The following LDLRAD3 variants were observed in gnomAD, a reference collection of about 807,000 sequenced individuals.
The protein encoded by LDLRAD3 is low-density lipoprotein receptor class A domain-containing protein 3.
Under a neutral mutation model 29.4 loss-of-function variants are expected in LDLRAD3, and 20 were observed. The ratio of observed to expected loss-of-function variants is 0.68; its 90% confidence interval spans 0.48 to 0.99. LDLRAD3 has a LOEUF of 0.99. Among genes scored for constraint, LDLRAD3 ranks in the 50% least tolerant of loss-of-function variants. LDLRAD3 has a pLI of 0.00. For synonymous variants in LDLRAD3, 157 were observed against 192.7 expected (o/e 0.81, Z 1.53); for missense variants, 420 against 454.3 (o/e 0.92, Z 0.69).
intron 1 of LDLRAD3, among the ~76,000 whole-genome samples, chr11:35,961,607 CT>C (rs1451341032): frequency 6.6e-6 from 1 of 152,186 alleles, no homozygotes; most frequent in Non-Finnish European, 1.5e-5. Flanking sequence ...TGTCATTTAT[CT>C]CAAACCCCCA....
At chr11:36,191,736 T>C (rs1341222564) in intron 4 of LDLRAD3, among the ~76,000 whole-genome samples, 1 of 151,836 alleles carries the variant, frequency 6.6e-6, no homozygotes, top group Non-Finnish European at 1.5e-5. Flanking sequence ...TTGAGAAATA[T>C]ATGGAATGCT....
chr11:36,103,980 AATC>A (rs1462445321), intron 4 of LDLRAD3, among the ~76,000 whole-genome samples: 1 of 152,182 alleles, frequency 6.6e-6, no homozygotes, highest in African/African-American at 2.4e-5. Context: ...GACTATTGTG[AATC>A]ATTATGGTAA....
chr11:36,194,221 G>T (rs775450039), intron 4 of LDLRAD3, among the ~76,000 whole-genome samples: 2 of 152,098 alleles, frequency 1.3e-5, no homozygotes, highest in Non-Finnish European at 2.9e-5. Context: ...GTAACTTACA[G>T]GCCCAAGTCT....
rs116213177 is a variant in LDLRAD3, at chr11:36,227,410, C to T, written c.780C>T (p.Ser260=). 2.0e-4 allele frequency: 316 copies of T among 1,583,760 alleles called. 1 individual carries two copies. In the African/African-American group the frequency reaches 2.7e-3, roughly 14 times the overall value. The change falls in exon 5 of 6, where the codon TCC becomes TCT. Residue 260 remains serine (S), a synonymous_variant. Transcript: ENST00000315571. ...ASEVGSPPSY[S]EALLDQRPAW... ...AAGTAGGCTCCCCACCCTCCTACTC[C>T]GAGGCCTTGCTGGACCAGAGGTGTG...
At chr11:36,220,779 G>T (rs1855415956) in intron 4 of LDLRAD3, among the ~76,000 whole-genome samples, 1 of 152,146 alleles carries the variant, frequency 6.6e-6, no homozygotes, top group South Asian at 2.1e-4. Context: ...TACCTTTCGT[G>T]GGGATGGAAA....
At chr11:36,104,371 C>A (rs906141060) in intron 4 of LDLRAD3, among the ~76,000 whole-genome samples, 3 of 152,184 alleles carry the variant, frequency 2.0e-5, no homozygotes, top group Admixed American at 1.3e-4. Context: ...GGGTTTCTGA[C>A]CCATAGAAAC....
intron 4 of LDLRAD3, among the ~76,000 whole-genome samples, chr11:36,111,849 G>A (rs367608450): frequency 4.6e-4 from 70 of 152,192 alleles, no homozygotes; most frequent in African/African-American, 1.6e-3. Flanking sequence ...CACCTGCCTC[G>A]GCCTCCCAAA....
intron 1 of LDLRAD3, among the ~76,000 whole-genome samples, chr11:36,013,058 G>C (rs1456614570): frequency 1.3e-5 from 2 of 152,188 alleles, no homozygotes; most frequent in Non-Finnish European, 2.9e-5. Context: ...TTTAGAGATA[G>C]AAATGCTGTT....
chr11:36,116,321 C>T (rs58583042), intron 4 of LDLRAD3, among the ~76,000 whole-genome samples: 11 of 152,166 alleles, frequency 7.2e-5, no homozygotes, highest in African/African-American at 1.9e-4. Flanking sequence ...AAGAAGCCAG[C>T]GTCCCAGCTT....
At chr11:35,949,300 A>G (rs1851101321) in intron 1 of LDLRAD3, among the ~76,000 whole-genome samples, 1 of 152,172 alleles carries the variant, frequency 6.6e-6, no homozygotes, top group African/African-American at 2.4e-5. Flanking sequence ...TAGGCAGGTG[A>G]CAGCTGACAC....
intron 4 of LDLRAD3, chr11:36,196,946 T>C (rs1478348398): frequency 2.6e-5 from 4 of 152,210 alleles, no homozygotes; most frequent in South Asian, 2.1e-4. Flanking sequence ...AAATGAGAGA[T>C]TGCTTCACTT....
intron 2 of LDLRAD3, among the ~76,000 whole-genome samples, chr11:36,080,171 G>C (rs1186260322): frequency 6.6e-6 from 1 of 152,164 alleles, no homozygotes; most frequent in African/African-American, 2.4e-5. Context: ...GGAGGACCAT[G>C]GGTCCTGCCT....
intron 1 of LDLRAD3, among the ~76,000 whole-genome samples, chr11:36,025,513 C>T (rs924686041): frequency 6.6e-6 from 1 of 151,622 alleles, no homozygotes; most frequent in East Asian, 2.0e-4. Context: ...CTCAGCCTCC[C>T]GAGTAGCTGG....
chr11:36,214,817 T>G (rs1855330085), intron 4 of LDLRAD3, among the ~76,000 whole-genome samples: 1 of 152,192 alleles, frequency 6.6e-6, no homozygotes, highest in Non-Finnish European at 1.5e-5. Flanking sequence ...ATAGGAAAGA[T>G]GCACAAGCCA....
intron 1 of LDLRAD3, chr11:35,967,962 A>G: frequency 2.5e-6 from 1 of 400,768 alleles, no homozygotes; most frequent in Non-Finnish European, 4.9e-6. Flanking sequence ...AAATCCTGAA[A>G]AAGTTTTCAT....
chr11:36,188,039 A>G (rs1263883505), intron 4 of LDLRAD3, among the ~76,000 whole-genome samples: 2 of 152,150 alleles, frequency 1.3e-5, no homozygotes. Flanking sequence ...AAATGATACC[A>G]AGGATAACGA....
intron 4 of LDLRAD3, among the ~76,000 whole-genome samples, chr11:36,209,073 G>A (rs943206784): frequency 6.6e-6 from 1 of 152,176 alleles, no homozygotes; most frequent in Non-Finnish European, 1.5e-5. Context: ...TCTCACAATT[G>A]TGAAACTACA....
Position 36,076,826 on chromosome 11 carries a change from C to A in LDLRAD3, c.194-4827C>A, listed in dbSNP as rs79098155. ...ATACCCTTGGGAGAAACAAATATAACTAGTGTACAGTATTGTAGATTTTTT... is the reference window on the plus strand; with the variant it reads ...ATACCCTTGGGAGAAACAAATATAAATAGTGTACAGTATTGTAGATTTTTT... On this transcript the variant is annotated intron_variant, in intron 2 of 5. Transcript: ENST00000315571. Among the ~76,000 whole-genome samples the A allele has an allele frequency of 7.9e-3, 1,203 of 152,242 alleles. 15 individuals carry two copies. Among genetic ancestry groups the A allele is most frequent in the African/African-American group, 0.028 (1,161 of 41,540 alleles).
intron 1 of LDLRAD3, among the ~76,000 whole-genome samples, chr11:36,023,167 C>T (rs990258933): frequency 5.3e-5 from 8 of 152,048 alleles, no homozygotes; most frequent in East Asian, 1.9e-4. Flanking sequence ...AACAGGCTGG[C>T]GTTTTTGATC....
Sources: allele counts gnomAD v4.1 joint callset (sites outside exome capture counted in the v4.1 genomes callset), GRCh38; gene constraint gnomAD v4.1.1; transcripts MANE v1.5; gene names NCBI Gene and HGNC (gene_info 2026-07-23, HGNC 2026-07-21).